YJU2B: variants seen among roughly 807,000 people sequenced by gnomAD.
YJU2B encodes YJU2 splicing factor homolog B, also known as probable splicing factor YJU2B.
YJU2B carries 18 observed loss-of-function variants against 38.0 expected under a neutral mutation model. That is an observed-to-expected ratio of 0.47 (90% CI 0.33 to 0.70). The LOEUF (loss-of-function observed/expected upper bound fraction) is 0.70. YJU2B is among the 30% of genes least tolerant of loss of function. YJU2B has a pLI of 0.02. For synonymous variants in YJU2B, 246 were observed against 225.4 expected (o/e 1.09, Z -0.82); for missense variants, 538 against 556.3 (o/e 0.97, Z 0.33).
chr19:13,735,688 C>A (rs554265905), intron 2 of YJU2B, among the ~76,000 whole-genome samples: 2 of 152,130 alleles, frequency 1.3e-5, no homozygotes, highest in Non-Finnish European at 2.9e-5. Flanking sequence ...GCAGGGGCTC[C>A]TTTGTGGGAA....
Position 13,762,990 on chromosome 19 carries a change from T to C in YJU2B, c.1113T>C (p.Ala371=), listed in dbSNP as rs1308119431. The C allele has an allele frequency of 3.1e-6, 5 of 1,608,854 alleles. No homozygotes were observed. In the African/African-American group the frequency reaches 5.3e-5, roughly 17 times the overall value. Residue 371 remains alanine (A), a synonymous_variant, in exon 10 of 10, where the codon GCT becomes GCC. Transcript: ENST00000221554. The stretch of plus-strand genomic sequence containing the variant: ...CAGCAGGCTCCTCCCAGGAGGCAGC[T>C]GACACCCCCGACACGCGGCACCCCT... ...LSPAGSSQEA[A]DTPDTRHPCS...
At chr19:13,735,482 T>TC (rs1481187277) in intron 2 of YJU2B, among the ~76,000 whole-genome samples, 1 of 151,374 alleles carries the variant, frequency 6.6e-6, no homozygotes, top group Non-Finnish European at 1.5e-5. Flanking sequence ...TCCCTCCCCG[T>TC]CCCCCACCAG....
intron 6 of YJU2B, among the ~76,000 whole-genome samples, 180 bp from the exon 7 acceptor site, chr19:13,758,688 G>A (rs1973760688): frequency 6.6e-6 from 1 of 152,268 alleles, no homozygotes; most frequent in Admixed American, 6.5e-5. Flanking sequence ...ACTGACAGAA[G>A]GTCCGTTCTG....
rs1224676914 is a variant in YJU2B at position 13,753,025 on chromosome 19, ACTT to A, written c.3+1218_3+1220del. Among the ~76,000 whole-genome samples, 6 of 152,178 alleles carry A rather than the reference ACTT, an allele frequency of 3.9e-5. 1 individual carries two copies. The highest frequency in any genetic ancestry group is 3.3e-4 in the Admixed American group (5 of 15,268). On this transcript the variant is annotated intron_variant, in intron 2 of 9. Transcript: ENST00000221554. Reference sequence around the variant, plus strand: ...TATCTGCCCAGTGGCAATGTTAAATACTTCTTACCGTCAATCACAGTCTCCAAA... The same window carrying A: ...TATCTGCCCAGTGGCAATGTTAAATACTTACCGTCAATCACAGTCTCCAAA...
chr19:13,746,306 T>C (rs1194830926), upstream of YJU2B, among the ~76,000 whole-genome samples: 1 of 152,108 alleles, frequency 6.6e-6, no homozygotes, highest in East Asian at 1.9e-4. Context: ...AGGGCCAGGC[T>C]AATCTGAAGG....
intron 3 of YJU2B, among the ~76,000 whole-genome samples, chr19:13,755,914 T>A (rs1220658279): frequency 1.6e-4 from 24 of 152,012 alleles, no homozygotes; most frequent in Admixed American, 1.6e-3. Flanking sequence ...GCCAAGGTCA[T>A]GCCATTGCAC....
intron 2 of YJU2B, among the ~76,000 whole-genome samples, chr19:13,753,892 A>G (rs1973566391): frequency 6.6e-6 from 1 of 151,842 alleles, no homozygotes; most frequent in South Asian, 2.1e-4. Context: ...GGGAACTACA[A>G]TTCAAGATGA....
chr19:13,750,289 G>A (rs544928077), intron 1 of YJU2B, among the ~76,000 whole-genome samples: 11 of 151,474 alleles, frequency 7.3e-5, no homozygotes, highest in South Asian at 4.2e-4. Flanking sequence ...GTGCAGTGGC[G>A]CCATCTTGGC....
intron 2 of YJU2B, among the ~76,000 whole-genome samples, chr19:13,754,007 C>T (rs1305945202): frequency 6.6e-6 from 1 of 151,892 alleles, no homozygotes; most frequent in Non-Finnish European, 1.5e-5. Context: ...CCCATCTCTA[C>T]TAAAAATACA....
chr19:13,748,905 A>C lies in YJU2B; in HGVS notation c.-202+951A>C, dbSNP rs75682958. On this transcript the variant is annotated intron_variant, in intron 1 of 9. Coordinates refer to ENST00000221554, the MANE Select transcript of YJU2B (RefSeq NM_030818.4). ...CTTTATAGTTGGAGGATACAAGACT[A>C]AGGTGAGGGTAGAACAGTTTATATC... Among the ~76,000 whole-genome samples the C allele has an allele frequency of 4.1e-3, 628 of 152,338 alleles. 3 individuals are homozygous for C. The highest frequency in any genetic ancestry group is 0.014 in the African/African-American group (586 of 41,572).
chr19:13,749,976 A>C (rs1484426014), intron 1 of YJU2B, among the ~76,000 whole-genome samples: 1 of 151,584 alleles, frequency 6.6e-6, no homozygotes, highest in Non-Finnish European at 1.5e-5. Flanking sequence ...GGGTCTCACC[A>C]CCCCTAGTTT....
intron 2 of YJU2B, among the ~76,000 whole-genome samples, chr19:13,735,719 G>A (rs1972925850): frequency 6.6e-6 from 1 of 152,108 alleles, no homozygotes; most frequent in Non-Finnish European, 1.5e-5. Flanking sequence ...TTAAGCACAA[G>A]ACACCCTGGG....
intron 6 of YJU2B, among the ~76,000 whole-genome samples, chr19:13,758,097 C>T (rs530322418): frequency 3.5e-4 from 53 of 152,298 alleles, no homozygotes; most frequent in African/African-American, 1.2e-3. Context: ...CCCTAACCTC[C>T]TCCTGCTGTC....
chr19:13,740,914 G>A (rs1189663694), intron 2 of YJU2B, among the ~76,000 whole-genome samples: 1 of 152,146 alleles, frequency 6.6e-6, no homozygotes, highest in African/African-American at 2.4e-5. Flanking sequence ...CTTCATATGA[G>A]CACATCCAAC....
rs2145163159 is a variant in YJU2B at position 13,759,424 on chromosome 19, C to T, written c.573+152C>T. ...CTGCTACATGGTGACCATGCCCTGT[C>T]TTAATCCATTCTGGCTACTATAATA... On this transcript the variant is annotated intron_variant, in intron 8 of 9. Coordinates refer to ENST00000221554, the MANE Select transcript of YJU2B (RefSeq NM_030818.4). 25 of 630,434 alleles carry T rather than the reference C, an allele frequency of 4.0e-5. No homozygotes were observed. The South Asian group carries it at 4.9e-4, about 12-fold the overall frequency. The allele number at this position is 630,434 out of a possible 1,614,324, so 39.1% of individuals were successfully genotyped here. A position where few individuals can be genotyped will look rare whatever the true frequency, so the allele number is the denominator to read the frequency against.
intron 8 of YJU2B, among the ~76,000 whole-genome samples, chr19:13,761,048 C>T (rs910531336): frequency 7.9e-5 from 12 of 152,004 alleles, no homozygotes; most frequent in African/African-American, 2.7e-4. Flanking sequence ...GGATTACAGG[C>T]GTGAGCCACT....
rs371118275 is a variant in YJU2B, at chr19:13,757,420, T to G, written c.143T>G (p.Phe48Cys). Residue 48 changes from phenylalanine to cysteine, a missense_variant and splice_region_variant, in exon 5 of 10, where the codon TTC becomes TGC. Transcript: ENST00000221554. ...TAAGATGCTGTCTGTCTTTGCAGAT[T>G]CGAAATGCCATATAACATCTGGTGC... ...KLSQGILIIR[F>C]EMPYNIWCDG... The G allele has an allele frequency of 1.2e-6, 2 of 1,613,756 alleles. No homozygotes were observed. The highest frequency in any genetic ancestry group is 2.7e-5 in the African/African-American group (2 of 74,886).
In YJU2B at chr19:13,763,017, C is replaced by A; in HGVS notation, c.1140C>A (p.Cys380Ter). Reference sequence around the variant, plus strand: ...ACACCCCCGACACGCGGCACCCCTGCAGTCTCGGCTCCTCCCTCGTGGCGG... The same window carrying A: ...ACACCCCCGACACGCGGCACCCCTGAAGTCTCGGCTCCTCCCTCGTGGCGG... ...AADTPDTRHP[C>*]SLGSSLVADY... Residue 380 changes from cysteine (C) to a stop codon, truncating the protein, a stop_gained, in exon 10 of 10, where the codon TGC (cysteine) becomes TGA (stop). Coordinates refer to ENST00000221554, the MANE Select transcript of YJU2B (RefSeq NM_030818.4). LOFTEE classifies it high-confidence loss of function. 1 of 1,593,428 alleles carries A rather than the reference C, an allele frequency of 6.3e-7. No individual in the cohort carries two copies. The highest frequency in any genetic ancestry group is 8.6e-7 in the Non-Finnish European group (1 of 1,169,546).
chr19:13,737,566 C>T (rs1246260684), intron 2 of YJU2B, among the ~76,000 whole-genome samples: 1 of 149,688 alleles, frequency 6.7e-6, no homozygotes, highest in Non-Finnish European at 1.5e-5. Context: ...GCAGGTGGAT[C>T]ACGAGGTCAG....
Sources: gnomAD v4.1 joint callset for allele counts (sites outside exome capture counted in the v4.1 genomes callset) on GRCh38, gnomAD v4.1.1 for gene constraint, MANE v1.5 for transcripts, NCBI Gene and HGNC (gene_info 2026-07-23, HGNC 2026-07-21) for gene names.